Variants in FHIP1B observed in about 807,000 individuals in gnomAD.
The protein encoded by FHIP1B is FHF complex subunit HOOK-interacting protein 1B.
A neutral mutation model predicts 82.2 loss-of-function variants in FHIP1B; 28 were observed. That is an observed-to-expected ratio of 0.34 (90% CI 0.25 to 0.47). The LOEUF is 0.47. Among genes scored for constraint, FHIP1B ranks in the 20% least tolerant of loss-of-function variants. The pLI is 1.00. For synonymous variants in FHIP1B, 585 were observed against 516.1 expected (o/e 1.13, Z -1.81); for missense variants, 1,110 against 1,262.6 (o/e 0.88, Z 1.83).
At position 6,224,533 on chromosome 11, in the gene FHIP1B, G is replaced by T; in HGVS notation, c.-17C>A. 2 of 1,598,004 alleles carry T rather than the reference G, an allele frequency of 1.3e-6. No homozygotes were observed. Among genetic ancestry groups the T allele is most frequent in the South Asian group, 1.1e-5 (1 of 88,740 alleles). On this transcript the variant is annotated 5_prime_UTR_variant, in exon 2 of 12. Coordinates refer to ENST00000449352, the MANE Select transcript of FHIP1B (RefSeq NM_001098794.2). ...CCTCTCCATGAGGCAGGCTGGGCAG[G>T]ACTGGCAGCCAGAGGCCTACACTCT...
chr11:6,222,370 C>T lies in FHIP1B; in HGVS notation c.1191+72G>A, dbSNP rs966329869. 2.0e-5 allele frequency: 30 copies of T among 1,533,098 alleles called. No homozygotes were observed. In the African/African-American group the frequency reaches 3.7e-4, roughly 19 times the overall value. 95.0% of individuals were successfully genotyped at this position (1,533,098 alleles called of 1,614,324 possible). ...TACAGGCAAAAGAAGGGCAGGAATA[C>T]CCTCCCAGAACAAAGGTCAGAGAAA... On this transcript the variant is annotated intron_variant, in intron 6 of 11. Transcript: ENST00000449352.
rs1847189191 is a variant in FHIP1B, at chr11:6,215,090, T to C, written c.2216-179A>G. On this transcript the variant is annotated intron_variant, in intron 9 of 11. Transcript: ENST00000449352. ...GGAGGAAATAAGATGGCAGACACCA[T>C]ATGGACCCACAAGATTCCAGATGCC... 7 of 522,862 alleles carry C rather than the reference T, an allele frequency of 1.3e-5. No individual in the cohort carries two copies. The South Asian group carries it at 2.2e-4, about 16-fold the overall frequency. The allele number at this position is 522,862 out of a possible 1,614,324, so 32.4% of individuals were successfully genotyped here. A position where few individuals can be genotyped will look rare whatever the true frequency, so the allele number is the denominator to read the frequency against.
At chr11:6,212,821 G>A (rs988708183) in intron 11 of FHIP1B, among the ~76,000 whole-genome samples, 1 of 152,098 alleles carries the variant, frequency 6.6e-6, no homozygotes, top group Non-Finnish European at 1.5e-5. Flanking sequence ...CCTTGCTTTT[G>A]CATCCACATC....
At position 6,217,911 on chromosome 11, in the gene FHIP1B, G is replaced by A. The variant is rs1363602662; in HGVS notation, c.1675C>T (p.Arg559Cys). The change falls in exon 9 of 12, where the codon CGT (arginine) becomes TGT (cysteine). Residue 559 changes from arginine (R) to cysteine (C), a missense_variant. Physicochemically the swap from Arg to Cys is radical, Grantham distance 180. Coordinates refer to ENST00000449352, the MANE Select transcript of FHIP1B (RefSeq NM_001098794.2). ...CGGACACAGCGGTCCACACCACGAC[G>A]TGCCTCACGCAGATACTCCAGGTAA... ...DNYLEYLREA[R>C]RGVDRCVRAC... 10 of 1,612,730 alleles carry A rather than the reference G, an allele frequency of 6.2e-6. No individual in the cohort carries two copies. Among genetic ancestry groups the A allele is most frequent in the Admixed American group, 1.7e-5 (1 of 60,004 alleles).
At chr11:6,225,916 G>A (rs1487400084) in intron 1 of FHIP1B, among the ~76,000 whole-genome samples, 10 of 151,986 alleles carry the variant, frequency 6.6e-5, no homozygotes, top group African/African-American at 9.7e-5. Context: ...ACCCAAACTC[G>A]CTCCCAAGAA....
intron 1 of FHIP1B, among the ~76,000 whole-genome samples, chr11:6,226,797 AAAG>A (rs1259779220): frequency 2.0e-5 from 3 of 152,246 alleles, no homozygotes; most frequent in African/African-American, 7.2e-5. Context: ...CCCTAGAAAC[AAAG>A]GAGGTTTTTA....
chr11:6,214,552 T>TA lies in FHIP1B; in HGVS notation c.2415dup (p.Lys806Ter), dbSNP rs766892896. The TA allele has an allele frequency of 6.2e-7, 1 of 1,613,592 alleles. No homozygotes were observed. The highest frequency in any genetic ancestry group is 1.1e-5 in the South Asian group (1 of 91,044). On this transcript the variant is annotated frameshift_variant, in exon 11 of 12. Transcript: ENST00000449352. LOFTEE classifies it high-confidence loss of function. ...TGGGAAGCCGCAAAGTTCTCAATCT[T>TA]ATTCTTCACAGAGCCCAGCACCTAT...
intron 9 of FHIP1B, among the ~76,000 whole-genome samples, chr11:6,216,218 A>G (rs148711586): frequency 4.5e-3 from 692 of 152,378 alleles, no homozygotes; most frequent in Non-Finnish European, 7.8e-3. Context: ...GGGAATTGGC[A>G]CAACTCCATG....
At chr11:6,226,550 T>C (rs541290245) in intron 1 of FHIP1B, among the ~76,000 whole-genome samples, 72 of 152,304 alleles carry the variant, frequency 4.7e-4, no homozygotes, top group Non-Finnish European at 9.4e-4. Context: ...AATAATGAGA[T>C]ACTAATTAAG....
At chr11:6,222,741 C>T (rs897974597) in intron 5 of FHIP1B, 70 bp downstream of exon 5, 15 of 1,560,178 alleles carry the variant, frequency 9.6e-6, no homozygotes, top group East Asian at 2.2e-5. Flanking sequence ...CCGCCTCCTA[C>T]GTTAGTCCTG....
chr11:6,234,353 G>C (rs1431939257), intron 1 of FHIP1B, among the ~76,000 whole-genome samples, 191 bp downstream of exon 1: 1 of 152,004 alleles, frequency 6.6e-6, no homozygotes, highest in African/African-American at 2.4e-5. Flanking sequence ...AAAGCACCCA[G>C]CCTCTCACAG....
rs1200957430 is a variant in FHIP1B at position 6,222,404 on chromosome 11, G to T, written c.1191+38C>A. The T allele has an allele frequency of 2.5e-6, 4 of 1,608,664 alleles. No individual in the cohort carries two copies. In the Admixed American group the frequency reaches 5.0e-5, roughly 20 times the overall value. On this transcript the variant is annotated intron_variant, in intron 6 of 11. Coordinates refer to ENST00000449352, the MANE Select transcript of FHIP1B (RefSeq NM_001098794.2). ...AACAAAGGTCAGAGAAAGAAGATGG[G>T]TCATCCAGGTAAGCTAGGACAGGGG...
intron 6 of FHIP1B, 78 bp downstream of exon 6, chr11:6,222,364 G>A: frequency 2.6e-6 from 4 of 1,516,458 alleles, no homozygotes; most frequent in Non-Finnish European, 3.6e-6. Flanking sequence ...AAGAAGGGCA[G>A]GAATACCCTC....
Position 6,217,712 on chromosome 11 carries a change from T to A in FHIP1B, c.1874A>T (p.Glu625Val). The change falls in exon 9 of 12, where the codon GAG becomes GTG. Residue 625 changes from glutamate to valine, a missense_variant. Transcript: ENST00000449352. ...GGGAGGGGGCAGGTGACCAGGGCCCTCCCCTGCACCCCCAGCCCGCCCCCT... is the reference window on the plus strand; with the variant it reads ...GGGAGGGGGCAGGTGACCAGGGCCCACCCCTGCACCCCCAGCCCGCCCCCT... ...GRRGRAGGAG[E>V]GPGHLPPPQL... 6.2e-7 allele frequency: 1 copy of A among 1,610,916 alleles called. No homozygotes were observed. Among genetic ancestry groups the A allele is most frequent in the Non-Finnish European group, 8.5e-7 (1 of 1,178,450 alleles).
intron 1 of FHIP1B, among the ~76,000 whole-genome samples, chr11:6,234,333 G>C (rs1162230930): frequency 6.6e-6 from 1 of 151,916 alleles, no homozygotes; most frequent in African/African-American, 2.4e-5. Context: ...CCTTCAACTT[G>C]GCACCTCCGA....
chr11:6,221,303 G>C (rs1847399472), intron 6 of FHIP1B, among the ~76,000 whole-genome samples: 1 of 151,872 alleles, frequency 6.6e-6, no homozygotes. Flanking sequence ...AGTGATGAAA[G>C]AACTTCTATT....
chr11:6,227,215 A>G (rs1232287996), intron 1 of FHIP1B, among the ~76,000 whole-genome samples: 1 of 152,250 alleles, frequency 6.6e-6, no homozygotes, highest in East Asian at 1.9e-4. Context: ...GCTCCATTCC[A>G]GCACTACACG....
At chr11:6,233,973 C>T (rs990159014) in intron 1 of FHIP1B, among the ~76,000 whole-genome samples, 1 of 152,154 alleles carries the variant, frequency 6.6e-6, no homozygotes, top group Non-Finnish European at 1.5e-5. Flanking sequence ...TTCATTTTCT[C>T]GTCCTCCAGA....
At position 6,211,451 on chromosome 11, in the gene FHIP1B, T is replaced by C; in HGVS notation, c.*55A>G. 2.6e-6 allele frequency: 4 copies of C among 1,513,476 alleles called. No homozygotes were observed. The highest frequency in any genetic ancestry group is 3.5e-6 in the Non-Finnish European group (4 of 1,135,460). The allele number at this position is 1,513,476 out of a possible 1,614,324, so 93.8% of individuals were successfully genotyped here. ...CTGCCTCCAAACATAAAAAGGAGCCTGTGCCCTAGCCCCAGCCCGGGCCAC... is the reference window on the plus strand; with the variant it reads ...CTGCCTCCAAACATAAAAAGGAGCCCGTGCCCTAGCCCCAGCCCGGGCCAC... On this transcript the variant is annotated 3_prime_UTR_variant, in exon 12 of 12. Transcript: ENST00000449352.
Sources: gnomAD v4.1 joint callset for allele counts (sites outside exome capture counted in the v4.1 genomes callset) on GRCh38, gnomAD v4.1.1 for gene constraint, MANE v1.5 for transcripts, NCBI Gene and HGNC (gene_info 2026-07-23, HGNC 2026-07-21) for gene names.